Variants in CTTNBP2NL observed in about 807,000 individuals in gnomAD.
CTTNBP2NL encodes CTTNBP2 N-terminal-like protein.
A neutral mutation model predicts 32.5 loss-of-function variants in CTTNBP2NL; 16 were observed. That is an observed-to-expected ratio of 0.49 (90% CI 0.33 to 0.75). CTTNBP2NL has a LOEUF of 0.75. CTTNBP2NL is among the 30% of genes least tolerant of loss of function. The pLI is 0.02. For synonymous variants in CTTNBP2NL, 298 were observed against 289.4 expected, an observed-to-expected ratio of 1.03 and a Z score of -0.30; for missense variants, 645 against 756.0, an observed-to-expected ratio of 0.85 and a Z score of 1.72.
rs976032287 is a variant in CTTNBP2NL at position 112,416,282 on chromosome 1, A to G, written c.99+18A>G. The G allele has an allele frequency of 2.5e-6, 3 of 1,217,728 alleles. No individual in the cohort carries two copies. Among genetic ancestry groups the G allele is most frequent in the Non-Finnish European group, 3.5e-6 (3 of 848,016 alleles). The allele number at this position is 1,217,728 out of a possible 1,614,324, so 75.4% of individuals were successfully genotyped here. ...CCTTAAAGGTATGTTAAAAGAAAAA[A>G]AAAAAGAGGTCATCATACATTGTGA... On this transcript the variant is annotated intron_variant, in intron 3 of 5. Transcript: ENST00000271277.
chr1:112,429,968 T>C (rs921739531), intron 3 of CTTNBP2NL, among the ~76,000 whole-genome samples: 7 of 152,072 alleles, frequency 4.6e-5, no homozygotes, highest in African/African-American at 7.2e-5. Context: ...AGCATGAAAT[T>C]AGTAAGAGGG....
rs200827940 is a variant in CTTNBP2NL at position 112,456,767 on chromosome 1, C to T, written c.1275C>T (p.Ser425=). 42 of 1,614,120 alleles carry T rather than the reference C, an allele frequency of 2.6e-5. No homozygotes were observed. In the Admixed American group the frequency reaches 3.3e-4, roughly 13 times the overall value. The change falls in exon 6 of 6, where the codon TCC becomes TCT. Residue 425 remains serine (S), a synonymous_variant. Transcript: ENST00000271277. ...GCACTGCCTCCTCCTCTCTAACATCCTCTCCTTGCTCTTCGCCGGTACTCA... is the reference window on the plus strand; with the variant it reads ...GCACTGCCTCCTCCTCTCTAACATCTTCTCCTTGCTCTTCGCCGGTACTCA... ...PSSTASSSLT[S]SPCSSPVLTK...
intron 4 of CTTNBP2NL, among the ~76,000 whole-genome samples, chr1:112,452,361 TTAGAC>T (rs1650249850): frequency 7.0e-6 from 1 of 143,834 alleles, no homozygotes; most frequent in Admixed American, 6.8e-5. Flanking sequence ...TTTTTTTTTT[TTAGAC>T]AGAGTTTCAC....
chr1:112,446,030 G>C (rs1650025621), intron 3 of CTTNBP2NL, among the ~76,000 whole-genome samples: 2 of 152,132 alleles, frequency 1.3e-5, no homozygotes, highest in South Asian at 4.1e-4. Flanking sequence ...TAAACCAACA[G>C]TGCCAATAGT....
At chr1:112,413,285 C>T (rs1648940558) in intron 2 of CTTNBP2NL, among the ~76,000 whole-genome samples, 1 of 152,206 alleles carries the variant, frequency 6.6e-6, no homozygotes, top group African/African-American at 2.4e-5. Flanking sequence ...CCAAGAAGGA[C>T]TTCCCAATTG....
intron 3 of CTTNBP2NL, among the ~76,000 whole-genome samples, chr1:112,442,359 G>A (rs1649920471): frequency 6.6e-6 from 1 of 152,080 alleles, no homozygotes; most frequent in Non-Finnish European, 1.5e-5. Flanking sequence ...CTGACTTCAG[G>A]TGATCTTCCC....
chr1:112,451,978 T>C (rs995107906), intron 4 of CTTNBP2NL, among the ~76,000 whole-genome samples: 2 of 152,116 alleles, frequency 1.3e-5, no homozygotes, highest in Non-Finnish European at 2.9e-5. Flanking sequence ...CAAAATATTA[T>C]TAAAATTTTT....
intron 3 of CTTNBP2NL, among the ~76,000 whole-genome samples, chr1:112,439,813 T>G (rs1368147041): frequency 6.6e-6 from 1 of 152,198 alleles, no homozygotes; most frequent in Non-Finnish European, 1.5e-5. Flanking sequence ...TTGCTCCATT[T>G]ATCTGCCAGA....
rs868482383 is a variant in CTTNBP2NL at position 112,419,618 on chromosome 1, C to T, written c.99+3354C>T. Among the ~76,000 whole-genome samples the T allele has an allele frequency of 3.0e-4, 46 of 152,100 alleles. 1 individual carries two copies. Among genetic ancestry groups the T allele is most frequent in the Middle Eastern group, 3.4e-3 (1 of 294 alleles). ...ATAGCCTAACATCTGCCTTTGGTCACGGCCTTGTACTTATTATGGAAGCAG... is the reference window on the plus strand; with the variant it reads ...ATAGCCTAACATCTGCCTTTGGTCATGGCCTTGTACTTATTATGGAAGCAG... On this transcript the variant is annotated intron_variant, in intron 3 of 5. Coordinates refer to ENST00000271277, the MANE Select transcript of CTTNBP2NL (RefSeq NM_018704.3).
intron 1 of CTTNBP2NL, among the ~76,000 whole-genome samples, chr1:112,410,564 C>T (rs1648826283): frequency 6.6e-6 from 1 of 152,124 alleles, no homozygotes; most frequent in African/African-American, 2.4e-5. Flanking sequence ...GGCTATGCCA[C>T]AGTGTATGAT....
chr1:112,418,518 C>T (rs1281728920), intron 3 of CTTNBP2NL, among the ~76,000 whole-genome samples: 1 of 151,632 alleles, frequency 6.6e-6, no homozygotes, highest in Non-Finnish European at 1.5e-5. Flanking sequence ...ATATTTGGTC[C>T]TAATTAAATT....
intron 3 of CTTNBP2NL, among the ~76,000 whole-genome samples, chr1:112,426,311 C>CT (rs1368552214): frequency 2.6e-5 from 4 of 152,014 alleles, no homozygotes; most frequent in African/African-American, 9.7e-5. Flanking sequence ...TATTGACCTT[C>CT]TCTGAGATCA....
chr1:112,445,196 C>T (rs1208840515), intron 3 of CTTNBP2NL, among the ~76,000 whole-genome samples: 2 of 152,180 alleles, frequency 1.3e-5, no homozygotes, highest in Non-Finnish European at 2.9e-5. Flanking sequence ...ATTGCAACCT[C>T]ATGAGACCCT....
intron 3 of CTTNBP2NL, among the ~76,000 whole-genome samples, chr1:112,437,371 C>G (rs1649765047): frequency 6.6e-6 from 1 of 152,198 alleles, no homozygotes; most frequent in African/African-American, 2.4e-5. Context: ...TTGCATTTCT[C>G]TAATGATCAG....
At chr1:112,447,249 G>A (rs968639880) in intron 3 of CTTNBP2NL, among the ~76,000 whole-genome samples, 9 of 142,372 alleles carry the variant, frequency 6.3e-5, no homozygotes, top group Admixed American at 3.0e-4. Context: ...TCTCCAGCCT[G>A]GGCGACAGAG....
chr1:112,396,996 C>T (rs1044150560), intron 1 of CTTNBP2NL, among the ~76,000 whole-genome samples: 2 of 151,836 alleles, frequency 1.3e-5, no homozygotes, highest in African/African-American at 4.8e-5. Flanking sequence ...CTGGGAGCAC[C>T]CAGCCTCTAA....
chr1:112,455,861 G>C (rs1650344689), intron 5 of CTTNBP2NL, 70 bp from the exon 6 acceptor site: 6 of 1,151,180 alleles, frequency 5.2e-6, no homozygotes, highest in Non-Finnish European at 7.3e-6. Flanking sequence ...GTATACCAGA[G>C]AACAGCTAAC....
At position 112,458,848 on chromosome 1, in the gene CTTNBP2NL, C is replaced by T. The variant is rs1166503799; in HGVS notation, c.*1436C>T. ...GGCAGAGCTAAACTAACCCCAGTGT[C>T]ACAAAACTCAACTGGTCATATAAAT... is the stretch of plus-strand genomic sequence containing the variant. On this transcript the variant is annotated 3_prime_UTR_variant, in exon 6 of 6. Coordinates refer to ENST00000271277, the MANE Select transcript of CTTNBP2NL (RefSeq NM_018704.3). 6.6e-6 allele frequency: 1 copy of T among 152,152 alleles called. No homozygotes were observed. Among genetic ancestry groups the T allele is most frequent in the Non-Finnish European group, 1.5e-5 (1 of 68,036 alleles). 9.4% of individuals were successfully genotyped at this position (152,152 alleles called of 1,614,324 possible). A position where few individuals can be genotyped will look rare whatever the true frequency, so the allele number is the denominator to read the frequency against.
intron 3 of CTTNBP2NL, among the ~76,000 whole-genome samples, chr1:112,438,730 G>A (rs541733792): frequency 3.3e-5 from 5 of 152,250 alleles, no homozygotes; most frequent in Non-Finnish European, 5.9e-5. Flanking sequence ...GAAGATAAAG[G>A]CAGTCTTAGG....
Sources: gnomAD v4.1 joint callset for allele counts (sites outside exome capture counted in the v4.1 genomes callset) on GRCh38, gnomAD v4.1.1 for gene constraint, MANE v1.5 for transcripts, NCBI Gene and HGNC (gene_info 2026-07-23, HGNC 2026-07-21) for gene names.